DEPDC5: variants seen among roughly 807,000 people sequenced by gnomAD.
DEPDC5 encodes the protein GATOR1 complex protein DEPDC5.
Under a neutral mutation model 217.3 loss-of-function variants are expected in DEPDC5, and 73 were observed. The observed-to-expected ratio is 0.34, with a 90% CI of 0.28 to 0.41. The LOEUF is 0.41. DEPDC5 is among the 10% of genes least tolerant of loss of function. The pLI, the probability that DEPDC5 is intolerant of heterozygous loss-of-function variation, is 1.00. For missense variants in DEPDC5, 1,675 were observed against 2,070.1 expected, an observed-to-expected ratio of 0.81 and a Z score of 3.70; for synonymous variants, 733 against 756.7, an observed-to-expected ratio of 0.97 and a Z score of 0.51.
chr22:31,781,234 CAA>C (rs1288893852), intron 8 of DEPDC5, among the ~76,000 whole-genome samples: 1 of 126,856 alleles, frequency 7.9e-6, no homozygotes, highest in African/African-American at 3.0e-5. Flanking sequence ...AACAAACAAA[CAA>C]AAAAAAAAAA....
At chr22:31,834,719 G>A (rs2090863768) in intron 25 of DEPDC5, among the ~76,000 whole-genome samples, 1 of 152,078 alleles carries the variant, frequency 6.6e-6, no homozygotes, top group Non-Finnish European at 1.5e-5. Context: ...GTTTCACCAT[G>A]TTGGTTAGGC....
At chr22:31,767,695 G>A (rs1007164905) in intron 6 of DEPDC5, among the ~76,000 whole-genome samples, 1 of 152,084 alleles carries the variant, frequency 6.6e-6, no homozygotes, top group African/African-American at 2.4e-5. Flanking sequence ...GCCTCCCAAA[G>A]TGCTAGGATT....
intron 34 of DEPDC5, among the ~76,000 whole-genome samples, chr22:31,872,676 A>G (rs1188583659): frequency 1.3e-5 from 2 of 152,172 alleles, no homozygotes; most frequent in Admixed American, 6.5e-5. Context: ...TTAAAAGGAG[A>G]GATGCTTACT....
chr22:31,872,620 A>G (rs1170017200), intron 34 of DEPDC5, among the ~76,000 whole-genome samples: 2 of 152,220 alleles, frequency 1.3e-5, no homozygotes, highest in Non-Finnish European at 2.9e-5. Context: ...AGAGCAGTCC[A>G]GGGGGTTTCT....
intron 1 of DEPDC5, 125 bp from the exon 2 acceptor site, chr22:31,754,737 T>A: frequency 3.2e-6 from 2 of 633,136 alleles, no homozygotes; most frequent in Non-Finnish European, 5.5e-6. Flanking sequence ...AGTGACTTCT[T>A]CCGAGAGTCA....
At chr22:31,807,255 T>C (rs986194204) in intron 18 of DEPDC5, among the ~76,000 whole-genome samples, 1 of 152,172 alleles carries the variant, frequency 6.6e-6, no homozygotes, top group Non-Finnish European at 1.5e-5. Flanking sequence ...GGGCATGCGA[T>C]GTAAGGAAAT....
intron 27 of DEPDC5, 137 bp downstream of exon 27, chr22:31,838,982 A>C (rs2091225210): frequency 3.2e-6 from 3 of 936,782 alleles, no homozygotes; most frequent in Non-Finnish European, 4.7e-6. Flanking sequence ...AATTCTACTT[A>C]AGTGAGGAAT....
chr22:31,879,449 T>G (rs1180144269), intron 37 of DEPDC5, 76 bp from the exon 38 acceptor site: 1 of 1,389,040 alleles, frequency 7.2e-7, no homozygotes, highest in Non-Finnish European at 1.0e-6. Context: ...TTAAGGTTTA[T>G]CAAGTTGTAG....
chr22:31,758,487 G>T, intron 2 of DEPDC5, 59 bp from the exon 3 acceptor site: 2 of 1,483,976 alleles, frequency 1.3e-6, no homozygotes, highest in South Asian at 2.3e-5. Context: ...ACCAGTATGA[G>T]AACATACAGT....
intron 37 of DEPDC5, among the ~76,000 whole-genome samples, chr22:31,877,004 G>A (rs2093010876): frequency 6.6e-6 from 1 of 152,116 alleles, no homozygotes; most frequent in Non-Finnish European, 1.5e-5. Context: ...TTAGCCGGGT[G>A]TGGTGGTGCA....
At chr22:31,758,812 C>G (rs182614791) in intron 3 of DEPDC5, among the ~76,000 whole-genome samples, 179 bp downstream of exon 3, 32 of 152,004 alleles carry the variant, frequency 2.1e-4, no homozygotes, top group African/African-American at 7.0e-4. Context: ...CGAGACCAGC[C>G]TGGGCAACAT....
At chr22:31,902,003 GTT>G (rs1271489239) in intron 41 of DEPDC5, among the ~76,000 whole-genome samples, 1 of 152,078 alleles carries the variant, frequency 6.6e-6, no homozygotes, top group Admixed American at 6.6e-5. Flanking sequence ...TGTAACTATT[GTT>G]TTTCAGACCT....
intron 38 of DEPDC5, among the ~76,000 whole-genome samples, chr22:31,885,463 C>T (rs958133484): frequency 2.0e-5 from 3 of 152,164 alleles, no homozygotes; most frequent in African/African-American, 7.2e-5. Context: ...CGGTGGCTCA[C>T]GCCTGTAATC....
chr22:31,825,510 C>T (rs113035081), intron 24 of DEPDC5, among the ~76,000 whole-genome samples: 4 of 152,212 alleles, frequency 2.6e-5, no homozygotes, highest in African/African-American at 7.2e-5. Flanking sequence ...TCAGATGGCC[C>T]CCAAGTACCT....
chr22:31,905,833 A>G, intron 41 of DEPDC5, 151 bp from the exon 42 acceptor site: 1 of 696,232 alleles, frequency 1.4e-6, no homozygotes, highest in Non-Finnish European at 2.4e-6. Flanking sequence ...GGGTGAGGAC[A>G]AAAATAAGCA....
At chr22:31,897,786 A>G in intron 40 of DEPDC5, 133 bp downstream of exon 40, 1 of 1,001,688 alleles carries the variant, frequency 1.0e-6, no homozygotes, top group Non-Finnish European at 1.4e-6. Context: ...CAAAAGGATC[A>G]AGGTTCTAAA....
At chr22:31,847,897 A>G (rs2091833743) in intron 31 of DEPDC5, among the ~76,000 whole-genome samples, 1 of 152,228 alleles carries the variant, frequency 6.6e-6, no homozygotes, top group Non-Finnish European at 1.5e-5. Context: ...CCTTTTGCCT[A>G]TGAGCTTGTA....
chr22:31,830,725 A>T (rs1034871948), intron 24 of DEPDC5, among the ~76,000 whole-genome samples: 1 of 150,766 alleles, frequency 6.6e-6, no homozygotes, highest in Admixed American at 6.6e-5. Flanking sequence ...TAGGATTCAA[A>T]GCTGCTCTGT....
At position 31,804,934 on chromosome 22, in the gene DEPDC5, A is replaced by G; in HGVS notation, c.1217+19A>G. Reference sequence around the variant, plus strand: ...ACCACAGGTGGGTGCGATCTCGATCAATAGTAGGTGATAAGCGTTTTGAAC... The same window carrying G: ...ACCACAGGTGGGTGCGATCTCGATCGATAGTAGGTGATAAGCGTTTTGAAC... On this transcript the variant is annotated intron_variant, in intron 17 of 42. Transcript: ENST00000651528. 1 of 1,606,830 alleles carries G rather than the reference A, an allele frequency of 6.2e-7. No individual in the cohort carries two copies. Among genetic ancestry groups the G allele is most frequent in the Non-Finnish European group, 8.5e-7 (1 of 1,175,732 alleles).
Sources: gnomAD v4.1 joint callset for allele counts (sites outside exome capture counted in the v4.1 genomes callset) on GRCh38, gnomAD v4.1.1 for gene constraint, MANE v1.5 for transcripts, NCBI Gene and HGNC (gene_info 2026-07-23, HGNC 2026-07-21) for gene names.